The following SETD7 variants were observed in gnomAD, a reference collection of about 807,000 sequenced individuals.
The protein encoded by SETD7 is SET domain containing 7, histone lysine methyltransferase, also known as histone-lysine N-methyltransferase SETD7.
In SETD7, 16 loss-of-function variants were observed where a neutral mutation model predicts 41.8. The observed-to-expected ratio is 0.38, with a 90% CI of 0.26 to 0.58. SETD7 has a LOEUF of 0.58. Ranked by LOEUF, SETD7 falls within the 20% of genes least tolerant of loss-of-function variation. The probability of loss-of-function intolerance (pLI) is 0.64; values close to 1 mark genes in which losing one functional copy is unlikely to be tolerated. For synonymous variants in SETD7, 163 were observed against 169.7 expected, an observed-to-expected ratio of 0.96 and a Z score of 0.31; for missense variants, 346 against 459.7, an observed-to-expected ratio of 0.75 and a Z score of 2.26.
intron 2 of SETD7, chr4:139,546,362 A>G (rs1268634561): frequency 9.4e-6 from 2 of 213,322 alleles, no homozygotes; most frequent in Admixed American, 5.5e-5. Flanking sequence ...TTTTTCATCA[A>G]TCTCATGAGG....
At chr4:139,547,252 T>G (rs1231863796) in intron 1 of SETD7, among the ~76,000 whole-genome samples, 2 of 152,228 alleles carry the variant, frequency 1.3e-5, no homozygotes. Flanking sequence ...TTGATTGTTA[T>G]GTACACTTTG....
chr4:139,547,443 C>T lies in SETD7; in HGVS notation c.41-394G>A, dbSNP rs1011995237. Among the ~76,000 whole-genome samples the T allele has an allele frequency of 9.8e-5, 15 of 152,328 alleles. No individual in the cohort carries two copies. In the East Asian group the frequency reaches 2.7e-3, roughly 27 times the overall value. On this transcript the variant is annotated intron_variant, in intron 1 of 7. Coordinates refer to ENST00000274031, the MANE Select transcript of SETD7 (RefSeq NM_030648.4). ...GAATTGATGCCTCCAATCTCTCATG[C>T]TTAACTGAAGTGTGGTTGAGATTCC...
chr4:139,543,924 G>A (rs148514273), intron 2 of SETD7, among the ~76,000 whole-genome samples: 3,644 of 151,732 alleles, frequency 0.024, 74 homozygotes, highest in Non-Finnish European at 0.041. Flanking sequence ...AGATCGCGCC[G>A]CTGCACTCCA....
At chr4:139,517,111 G>C (rs922449550) in intron 7 of SETD7, among the ~76,000 whole-genome samples, 1 of 152,142 alleles carries the variant, frequency 6.6e-6, no homozygotes, top group African/African-American at 2.4e-5. Context: ...TGATTTTATA[G>C]GTCTTTTCCA....
rs367594366 is a variant in SETD7, at chr4:139,524,687, T to A, written c.563-1252A>T. ...GTCAGACACACAGGAGCCTGAAAAA[T>A]GCAGGCTGCAAGGGGCAGCAGCCTC... On this transcript the variant is annotated intron_variant, in intron 4 of 7. Transcript: ENST00000274031. 9.9e-5 allele frequency among the ~76,000 whole-genome samples: 15 copies of A among 152,220 alleles called. 1 individual carries two copies. In the East Asian group the frequency reaches 2.9e-3, roughly 29 times the overall value.
chr4:139,535,388 G>C (rs1727610435), intron 2 of SETD7, among the ~76,000 whole-genome samples: 1 of 152,188 alleles, frequency 6.6e-6, no homozygotes, highest in Non-Finnish European at 1.5e-5. Flanking sequence ...GATTTAACTA[G>C]ATTTTTATTT....
At chr4:139,533,080 T>G in intron 3 of SETD7, 85 bp downstream of exon 3, 1 of 1,278,776 alleles carries the variant, frequency 7.8e-7, no homozygotes, top group Non-Finnish European at 1.1e-6. Context: ...AGCTCCCAAG[T>G]TCTAACACAG....
At chr4:139,521,975 C>T (rs940567127) in intron 5 of SETD7, among the ~76,000 whole-genome samples, 1 of 152,182 alleles carries the variant, frequency 6.6e-6, no homozygotes. Context: ...ACCTATAGAA[C>T]TATGGTGTAA....
In SETD7 at chr4:139,523,380, A is replaced by C. The variant is rs1171361022; in HGVS notation, c.618T>G (p.Leu206=). ...STSSCISTNA[L]LPDPYESERV... is the part of the protein sequence containing the mutation. ...TTTCTGATTCATAAGGATCTGGAAG[A>C]AGAGCATTGGTAGAAATGCAAGATG... Residue 206 remains leucine, a synonymous_variant, in exon 5 of 8, where the codon CTT becomes CTG. Coordinates refer to ENST00000274031, the MANE Select transcript of SETD7 (RefSeq NM_030648.4). 6.2e-7 allele frequency: 1 copy of C among 1,613,340 alleles called. No individual in the cohort carries two copies. Among genetic ancestry groups the C allele is most frequent in the East Asian group, 2.2e-5 (1 of 44,874 alleles).
chr4:139,551,186 T>C (rs1323037332), intron 1 of SETD7, among the ~76,000 whole-genome samples: 3 of 152,220 alleles, frequency 2.0e-5, no homozygotes, highest in Non-Finnish European at 4.4e-5. Flanking sequence ...GAAACACTAG[T>C]CCTCCTTGCT....
chr4:139,546,891 A>G (rs1267518214), intron 2 of SETD7, 29 bp downstream of exon 2: 1 of 1,613,936 alleles, frequency 6.2e-7, no homozygotes, highest in African/African-American at 1.3e-5. Context: ...CGGTACCCCC[A>G]AAGAACAAAA....
chr4:139,518,692 T>C (rs1266665975), intron 6 of SETD7, among the ~76,000 whole-genome samples: 11 of 151,866 alleles, frequency 7.2e-5, no homozygotes, highest in Non-Finnish European at 1.2e-4. Context: ...AGAACACAAA[T>C]GGAACCAGAA....
At chr4:139,495,752 A>G (rs1359510143), downstream of SETD7, among the ~76,000 whole-genome samples, 1 of 152,186 alleles carries the variant, frequency 6.6e-6, no homozygotes, top group African/African-American at 2.4e-5. Flanking sequence ...TCCAAACCAT[A>G]TCAGGGAGTT....
intron 7 of SETD7, among the ~76,000 whole-genome samples, chr4:139,497,590 T>G (rs909354369): frequency 1.3e-5 from 2 of 149,922 alleles, no homozygotes; most frequent in Non-Finnish European, 3.0e-5. Context: ...TGTTTTTTTG[T>G]TTTTTTGTTT....
intron 4 of SETD7, among the ~76,000 whole-genome samples, chr4:139,526,436 A>AT (rs11353890): frequency 0.099 from 12,122 of 122,536 alleles, 599 homozygotes; most frequent in East Asian, 0.21. Flanking sequence ...TGCCCAGCTA[A>AT]TTTTTTTTTT....
downstream of SETD7, among the ~76,000 whole-genome samples, chr4:139,494,296 C>A (rs1291514352): frequency 6.6e-6 from 1 of 152,166 alleles, no homozygotes; most frequent in Non-Finnish European, 1.5e-5. Flanking sequence ...CTCTCACTAC[C>A]TTTCATTATT....
intron 7 of SETD7, among the ~76,000 whole-genome samples, chr4:139,497,899 G>C (rs1487535324): frequency 6.6e-6 from 1 of 152,150 alleles, no homozygotes; most frequent in Admixed American, 6.5e-5. Flanking sequence ...TTTCCCTAGA[G>C]GTGTTTGTTT....
rs1319468253 is a variant in SETD7, at chr4:139,519,253, AT to A, written c.762+1023del. Among the ~76,000 whole-genome samples the A allele has an allele frequency of 3.3e-5, 5 of 152,238 alleles. No homozygotes were observed. In the East Asian group the frequency reaches 9.6e-4, roughly 29 times the overall value. On this transcript the variant is annotated intron_variant, in intron 6 of 7. Transcript: ENST00000274031. ...TTAGGGCAAGAAGGGTGTCACATTC[AT>A]TTATACAATAGAGCATATTGAGGTT...
At chr4:139,522,829 C>G (rs1560680977) in intron 5 of SETD7, among the ~76,000 whole-genome samples, 1 of 145,262 alleles carries the variant, frequency 6.9e-6, no homozygotes, top group Non-Finnish European at 1.5e-5. Context: ...TCTCGGCTCA[C>G]TGTAACCTCT....
Sources: gnomAD v4.1 joint callset for allele counts (sites outside exome capture counted in the v4.1 genomes callset) on GRCh38, gnomAD v4.1.1 for gene constraint, MANE v1.5 for transcripts, NCBI Gene and HGNC (gene_info 2026-07-23, HGNC 2026-07-21) for gene names.